Variants in SOX5 observed in about 807,000 individuals in gnomAD.
SOX5 encodes transcription factor SOX-5.
A neutral mutation model predicts 92.0 loss-of-function variants in SOX5; 9 were observed. The ratio of observed to expected loss-of-function variants is 0.10; its 90% CI spans 0.06 to 0.17. SOX5 has a LOEUF of 0.17. Among genes scored for constraint, SOX5 ranks in the 10% least tolerant of loss-of-function variants. SOX5 has a pLI of 1.00. For synonymous variants in SOX5, 344 were observed against 336.3 expected, an observed-to-expected ratio of 1.02 and a Z score of -0.25; for missense variants, 642 against 944.5, an observed-to-expected ratio of 0.68 and a Z score of 4.20.
chr12:23,747,347 T>C (rs149992943), intron 4 of SOX5, among the ~76,000 whole-genome samples: 284 of 152,240 alleles, frequency 1.9e-3, no homozygotes, highest in African/African-American at 6.6e-3. Flanking sequence ...AAATCCATTC[T>C]CCAAACAAAC....
intron 4 of SOX5, among the ~76,000 whole-genome samples, chr12:24,031,071 G>T (rs1011462495): frequency 2.0e-5 from 3 of 151,746 alleles, no homozygotes; most frequent in Non-Finnish European, 4.4e-5. Flanking sequence ...TGGAGAAAAC[G>T]AAACCCTTGC....
chr12:23,707,283 G>A (rs1001407866), intron 6 of SOX5, among the ~76,000 whole-genome samples: 3 of 152,118 alleles, frequency 2.0e-5, no homozygotes, highest in Non-Finnish European at 4.4e-5. Context: ...TCATCCAATC[G>A]TTAGCAGGTA....
At chr12:23,927,407 C>T (rs1940265722) in intron 1 of SOX5, among the ~76,000 whole-genome samples, 1 of 152,088 alleles carries the variant, frequency 6.6e-6, no homozygotes. Flanking sequence ...CCTTCTCTCT[C>T]TCCTTTTTAT....
chr12:24,351,362 A>G (rs951586815), intron 2 of SOX5, among the ~76,000 whole-genome samples: 2 of 152,200 alleles, frequency 1.3e-5, no homozygotes, highest in African/African-American at 4.8e-5. Context: ...AGACACGTAA[A>G]TTATCGAATA....
At chr12:23,861,229 C>A (rs934217831) in intron 2 of SOX5, among the ~76,000 whole-genome samples, 2 of 152,164 alleles carry the variant, frequency 1.3e-5, no homozygotes, top group East Asian at 3.9e-4. Flanking sequence ...TGTCCTGCCT[C>A]TAAAATCCCT....
intron 1 of SOX5, among the ~76,000 whole-genome samples, chr12:24,546,235 T>C (rs3112136): frequency 0.69 from 105,082 of 152,082 alleles, 37,839 homozygotes; most frequent in Non-Finnish European, 0.81. Context: ...TGATGGAGTA[T>C]CCCTAAAATA....
chr12:24,331,848 CAAAAAAAAA>C (rs10627494), intron 2 of SOX5, among the ~76,000 whole-genome samples: 13 of 31,660 alleles, frequency 4.1e-4, no homozygotes, highest in East Asian at 2.4e-3. Flanking sequence ...AAGACTGTCT[CAAAAAAAAA>C]AAAAAAAAAA....
intron 7 of SOX5, among the ~76,000 whole-genome samples, chr12:23,655,941 T>TA (rs1267358066): frequency 2.0e-5 from 3 of 152,042 alleles, no homozygotes; most frequent in Admixed American, 6.6e-5. Context: ...ACAACAGGAG[T>TA]ATATATTTAA....
chr12:24,203,881 A>AT (rs1957768284), intron 4 of SOX5, among the ~76,000 whole-genome samples: 1 of 152,100 alleles, frequency 6.6e-6, no homozygotes, highest in South Asian at 2.1e-4. Flanking sequence ...TTTTCTTGCT[A>AT]TTTTTTAATA....
At chr12:24,080,888 AAAC>A (rs1297706582) in intron 4 of SOX5, among the ~76,000 whole-genome samples, 3 of 152,104 alleles carry the variant, frequency 2.0e-5, no homozygotes, top group South Asian at 2.1e-4. Context: ...CTAAGTTAAA[AAAC>A]AACAACAACA....
At chr12:23,569,943 C>A (rs1414893905) in intron 10 of SOX5, among the ~76,000 whole-genome samples, 3 of 152,088 alleles carry the variant, frequency 2.0e-5, no homozygotes, top group Non-Finnish European at 4.4e-5. Flanking sequence ...TTCCTTTGGC[C>A]CAGGGCAGGA....
At chr12:23,639,382 A>T (rs2138681547) in intron 8 of SOX5, among the ~76,000 whole-genome samples, 2 of 152,248 alleles carry the variant, frequency 1.3e-5, no homozygotes, top group East Asian at 3.9e-4. Context: ...TCTCATCGCT[A>T]ATCCAATGGT....
intron 1 of SOX5, among the ~76,000 whole-genome samples, chr12:24,522,383 A>C (rs1307643477): frequency 6.6e-6 from 1 of 152,120 alleles, no homozygotes; most frequent in African/African-American, 2.4e-5. Flanking sequence ...TTTCCAAAAA[A>C]TTGAAAAGGA....
intron 1 of SOX5, among the ~76,000 whole-genome samples, chr12:24,553,844 C>A (rs1953469735): frequency 6.6e-6 from 1 of 152,188 alleles, no homozygotes; most frequent in South Asian, 2.1e-4. Context: ...TATGAAATTT[C>A]TTTACATGCT....
At chr12:24,027,294 C>A (rs903611180) in intron 4 of SOX5, among the ~76,000 whole-genome samples, 6 of 151,982 alleles carry the variant, frequency 3.9e-5, no homozygotes, top group Non-Finnish European at 7.4e-5. Flanking sequence ...AAAAACAACA[C>A]TCAGATCTGC....
rs754497993 is a variant in SOX5 at position 23,747,000 on chromosome 12, GACT to G, written c.569-5964_569-5962del. Among the ~76,000 whole-genome samples the G allele has an allele frequency of 8.5e-5, 13 of 152,110 alleles. No individual in the cohort carries two copies. The East Asian group carries it at 2.1e-3, about 25-fold the overall frequency. Reference sequence around the variant, plus strand: ...TTTAGTGCCTTTCACTTTCCTCCATGACTGTGAGGCCTCCACAGCCATGTGGAA... The same window carrying G: ...TTTAGTGCCTTTCACTTTCCTCCATGGTGAGGCCTCCACAGCCATGTGGAA... On this transcript the variant is annotated intron_variant, in intron 4 of 14. Transcript: ENST00000451604.
At chr12:24,269,386 A>G (rs1025922016) in intron 3 of SOX5, among the ~76,000 whole-genome samples, 4 of 152,184 alleles carry the variant, frequency 2.6e-5, no homozygotes, top group African/African-American at 9.6e-5. Context: ...ACAAAAATAT[A>G]CTGACACCAA....
chr12:24,096,909 C>T (rs765802922), intron 4 of SOX5, among the ~76,000 whole-genome samples: 2 of 151,878 alleles, frequency 1.3e-5, no homozygotes, highest in African/African-American at 4.8e-5. Context: ...AATTGCTATC[C>T]CATATGGTAA....
intron 4 of SOX5, among the ~76,000 whole-genome samples, chr12:23,755,301 A>G (rs1293703440): frequency 6.6e-6 from 1 of 151,822 alleles, no homozygotes; most frequent in Non-Finnish European, 1.5e-5. Context: ...TATAAAATAC[A>G]GTTTTTAACC....
Sources: allele counts gnomAD v4.1 joint callset (sites outside exome capture counted in the v4.1 genomes callset), GRCh38; gene constraint gnomAD v4.1.1; transcripts MANE v1.5; gene names NCBI Gene and HGNC (gene_info 2026-07-23, HGNC 2026-07-21).